Variants in SGCD observed in about 807,000 individuals in gnomAD.
SGCD encodes the protein sarcoglycan delta.
A neutral mutation model predicts 36.6 loss-of-function variants in SGCD; 18 were observed. The observed-to-expected ratio is 0.49, with a 90% confidence interval of 0.34 to 0.73. SGCD has a LOEUF of 0.73. Among genes scored for constraint, SGCD ranks in the 30% least tolerant of loss-of-function variants. The probability of loss-of-function intolerance (pLI) is 0.01; values close to 1 mark genes in which losing one functional copy is unlikely to be tolerated. For synonymous variants in SGCD, 133 were observed against 130.6 expected, an observed-to-expected ratio of 1.02 and a Z score of -0.12; for missense variants, 387 against 346.7, an observed-to-expected ratio of 1.12 and a Z score of -0.92.
intron 7 of SGCD, among the ~76,000 whole-genome samples, chr5:156,679,409 G>T (rs1267564365): frequency 2.6e-5 from 4 of 152,106 alleles, no homozygotes; most frequent in Admixed American, 6.5e-5. Context: ...CCATATAATG[G>T]AAAATTCTGA....
chr5:155,836,280 C>A, the SGCD span, among the ~76,000 whole-genome samples: 1 of 152,208 alleles, frequency 6.6e-6, no homozygotes, highest in African/African-American at 2.4e-5. Context: ...CCTCCCTGGG[C>A]ATCCAGTGAG....
chr5:156,252,339 C>T (rs531544345), intron 3 of SGCD, among the ~76,000 whole-genome samples: 1 of 151,996 alleles, frequency 6.6e-6, no homozygotes, highest in Non-Finnish European at 1.5e-5. Flanking sequence ...GGCCTCCCAA[C>T]GTGCTGAGAT....
At chr5:155,897,014 T>A (rs984535080) in intron 1 of SGCD, among the ~76,000 whole-genome samples, 2 of 152,240 alleles carry the variant, frequency 1.3e-5, no homozygotes, top group African/African-American at 4.8e-5. Flanking sequence ...CTCATAATGA[T>A]GTTTGGTGCA....
chr5:156,248,065 C>A (rs1252494162), intron 3 of SGCD, among the ~76,000 whole-genome samples: 1 of 152,068 alleles, frequency 6.6e-6, no homozygotes, highest in Non-Finnish European at 1.5e-5. Flanking sequence ...GTCTCTTGAG[C>A]TCAGTTCTAA....
Position 155,983,270 on chromosome 5 carries a change from C to T in SGCD, c.-282+112846C>T, listed in dbSNP as rs550945026. On this transcript the variant is annotated intron_variant, in intron 1 of 9. Coordinates refer to the SGCD transcript ENST00000517913. ...ACACTGAGTTTTAACAGTTAAGTATCTTTCCTACCAGCTAGAAGAGCTAGG... is the reference window on the plus strand; with the variant it reads ...ACACTGAGTTTTAACAGTTAAGTATTTTTCCTACCAGCTAGAAGAGCTAGG... Among the ~76,000 whole-genome samples the T allele has an allele frequency of 2.0e-5, 3 of 152,288 alleles. No homozygotes were observed. The South Asian group carries it at 6.2e-4, about 32-fold the overall frequency.
intron 1 of SGCD, among the ~76,000 whole-genome samples, chr5:156,103,658 A>G (rs111509082): frequency 8.5e-4 from 129 of 152,212 alleles, no homozygotes; most frequent in Admixed American, 1.6e-3. Context: ...CACCCAGCCA[A>G]ACTCCATCAT....
intron 4 of SGCD, among the ~76,000 whole-genome samples, chr5:156,519,356 AC>A (rs780045911): frequency 2.0e-5 from 3 of 146,448 alleles, no homozygotes; most frequent in South Asian, 2.1e-4. Flanking sequence ...CAACAAAAAA[AC>A]AAACAAACAA....
chr5:156,651,249 T>C (rs1763447372), intron 7 of SGCD, among the ~76,000 whole-genome samples: 1 of 152,170 alleles, frequency 6.6e-6, no homozygotes, highest in Non-Finnish European at 1.5e-5. Context: ...TTCCATTTTG[T>C]AGACTGTTTA....
At chr5:155,948,663 T>C (rs1286601638) in intron 1 of SGCD, among the ~76,000 whole-genome samples, 1 of 152,218 alleles carries the variant, frequency 6.6e-6, no homozygotes, top group Non-Finnish European at 1.5e-5. Flanking sequence ...GATTTGCTAA[T>C]GATCTTAAAT....
chr5:156,245,666 G>A lies in SGCD; in HGVS notation c.-43-83868G>A, dbSNP rs182889939. 1.6e-3 allele frequency among the ~76,000 whole-genome samples: 248 copies of A among 152,104 alleles called. 1 individual carries two copies. The highest frequency in any genetic ancestry group is 3.1e-3 in the Non-Finnish European group (209 of 67,968). ...GCCTCTAGTCTAAATATCATGTTAC[G>A]GGAAATACAGGGGATAAATGAGCCC... On this transcript the variant is annotated intron_variant, in intron 3 of 9. Transcript: ENST00000517913.
chr5:156,693,674 G>C (rs1754199322), intron 7 of SGCD, among the ~76,000 whole-genome samples: 1 of 152,134 alleles, frequency 6.6e-6, no homozygotes, highest in Non-Finnish European at 1.5e-5. Context: ...TTGTCTGGTT[G>C]CTCCTGAGCT....
At chr5:156,145,765 A>T (rs1762695499) in intron 3 of SGCD, among the ~76,000 whole-genome samples, 2 of 152,214 alleles carry the variant, frequency 1.3e-5, no homozygotes, top group African/African-American at 4.8e-5. Context: ...AATTGAAGTG[A>T]AAAAGCATGC....
At chr5:156,209,019 GGGCGA>G in intron 3 of SGCD, among the ~76,000 whole-genome samples, 1 of 152,170 alleles carries the variant, frequency 6.6e-6, no homozygotes, top group South Asian at 2.1e-4. Context: ...CCTCCTCTTG[GGGCGA>G]GTAGAGGGAA....
chr5:156,541,704 TTG>T, intron 4 of SGCD, among the ~76,000 whole-genome samples: 1 of 152,242 alleles, frequency 6.6e-6, no homozygotes, highest in Admixed American at 6.5e-5. Context: ...GTGTCAGGAA[TTG>T]TGCTAACTTT....
the SGCD span, among the ~76,000 whole-genome samples, chr5:155,762,953 A>G: frequency 2.0e-5 from 3 of 152,162 alleles, no homozygotes; most frequent in Admixed American, 6.5e-5. Flanking sequence ...CATTACTTAT[A>G]TGGGGTGTCT....
intron 4 of SGCD, among the ~76,000 whole-genome samples, chr5:156,550,369 G>A (rs1758743445): frequency 6.6e-6 from 1 of 152,214 alleles, no homozygotes; most frequent in Non-Finnish European, 1.5e-5. Context: ...GGGAAGAGAT[G>A]CTGCTGTCTA....
intron 7 of SGCD, among the ~76,000 whole-genome samples, chr5:156,713,595 C>G (rs1282602177): frequency 2.6e-5 from 4 of 152,144 alleles, no homozygotes; most frequent in African/African-American, 9.7e-5. Flanking sequence ...TTAATCTTTC[C>G]TAGATCCAGA....
chr5:155,777,414 T>C, the SGCD span, among the ~76,000 whole-genome samples: 1 of 151,538 alleles, frequency 6.6e-6, no homozygotes, highest in Non-Finnish European at 1.5e-5. Flanking sequence ...TGGAGTACAG[T>C]GGCACAGTTA....
At chr5:156,573,893 A>G (rs367976009) in intron 4 of SGCD, among the ~76,000 whole-genome samples, 2 of 151,978 alleles carry the variant, frequency 1.3e-5, no homozygotes, top group South Asian at 2.1e-4. Context: ...GGATCTCACT[A>G]TGTTGCCCGG....
Sources: allele counts gnomAD v4.1 joint callset (sites outside exome capture counted in the v4.1 genomes callset), GRCh38; gene constraint gnomAD v4.1.1; transcripts MANE v1.5; gene names NCBI Gene and HGNC (gene_info 2026-07-23, HGNC 2026-07-21).